Variants in USP4 observed in about 807,000 individuals in gnomAD.
The protein encoded by USP4 is ubiquitin specific peptidase 4, also known as ubiquitin carboxyl-terminal hydrolase 4.
In USP4, 72 loss-of-function variants were observed where a neutral mutation model predicts 118.2. That is an observed-to-expected ratio of 0.61 (90% CI 0.50 to 0.74). The LOEUF (loss-of-function observed/expected upper bound fraction) is 0.74, where lower values mean the gene tolerates loss of function less well. USP4 is among the 30% of genes least tolerant of loss of function. The pLI, the probability that USP4 is intolerant of heterozygous loss-of-function variation, is 0.00. For synonymous variants in USP4, 415 were observed against 440.4 expected (o/e 0.94, Z 0.72); for missense variants, 1,037 against 1,185.7 (o/e 0.87, Z 1.84).
intron 1 of USP4, among the ~76,000 whole-genome samples, chr3:49,337,044 A>C (rs1336843084): frequency 6.6e-6 from 1 of 151,968 alleles, no homozygotes; most frequent in Non-Finnish European, 1.5e-5. Flanking sequence ...CAGCACTTTG[A>C]GAGGCCGAGG....
chr3:49,315,972 G>A (rs2047430488), intron 6 of USP4, among the ~76,000 whole-genome samples: 1 of 152,184 alleles, frequency 6.6e-6, no homozygotes, highest in South Asian at 2.1e-4. Context: ...GGGAGGCTGA[G>A]GTGGGCGGAT....
In USP4 at chr3:49,309,052, A is replaced by G. The variant is rs868329507; in HGVS notation, c.954+1568T>C. 8.4e-4 allele frequency among the ~76,000 whole-genome samples: 127 copies of G among 151,304 alleles called. No homozygotes were observed. The Middle Eastern group carries it at 0.01, about 12-fold the overall frequency. ...CTGTCTCAAAAAAAAAAAAAAAAAA[A>G]AGGAAAGTACCATGTACTGACTCCA... is the stretch of plus-strand genomic sequence containing the variant. On this transcript the variant is annotated intron_variant, in intron 8 of 21. Transcript: ENST00000265560.
intron 8 of USP4, among the ~76,000 whole-genome samples, chr3:49,307,027 G>A (rs949848920): frequency 3.4e-4 from 52 of 151,610 alleles, no homozygotes; most frequent in African/African-American, 1.2e-3. Flanking sequence ...CAGGTGATCC[G>A]CCTGCCTCAG....
chr3:49,295,713 C>T (rs749257369), intron 13 of USP4, among the ~76,000 whole-genome samples: 10 of 147,732 alleles, frequency 6.8e-5, no homozygotes, highest in East Asian at 3.9e-4. Context: ...CGCGCGCGCG[C>T]GCACACACAC....
chr3:49,292,098 C>T lies in USP4; in HGVS notation c.1972+412G>A, dbSNP rs150412151. Among the ~76,000 whole-genome samples the T allele has an allele frequency of 6.8e-3, 1,027 of 152,080 alleles. 5 individuals are homozygous for T. Among genetic ancestry groups the T allele is most frequent in the Non-Finnish European group, 0.011 (771 of 67,986 alleles). ...CTGGGATTACAGGCGTGAGCCACCA[C>T]GCCCGGCCAACCCCTGGTCTTCACA... is the stretch of plus-strand genomic sequence containing the variant. On this transcript the variant is annotated intron_variant, in intron 15 of 21. Coordinates refer to ENST00000265560, the MANE Select transcript of USP4 (RefSeq NM_003363.4).
chr3:49,295,701 T>TGTGC lies in USP4; in HGVS notation c.1692-1104_1692-1103insGCAC, dbSNP rs781287530. ...TTTTGAAACTAAACATATGCACGTG[T>TGTGC]GCGCGCGCGCGCGCACACACACACA... On this transcript the variant is annotated intron_variant, in intron 13 of 21. Transcript: ENST00000265560. 5.4e-3 allele frequency among the ~76,000 whole-genome samples: 791 copies of TGTGC among 146,134 alleles called. 8 individuals carry two copies. Among genetic ancestry groups the TGTGC allele is most frequent in the African/African-American group, 0.02 (743 of 37,678 alleles).
intron 13 of USP4, among the ~76,000 whole-genome samples, chr3:49,295,622 G>A (rs879425911): frequency 4.3e-4 from 65 of 151,420 alleles, no homozygotes; most frequent in Admixed American, 1.3e-3. Flanking sequence ...GCTGGCAACC[G>A]ACTGTAGTCT....
At chr3:49,309,847 G>A (rs2107786908) in intron 8 of USP4, among the ~76,000 whole-genome samples, 1 of 148,682 alleles carries the variant, frequency 6.7e-6, no homozygotes, top group Middle Eastern at 3.7e-3. Flanking sequence ...GGCTGGTCTC[G>A]AACTCCTGAC....
chr3:49,305,065 TTTG>T (rs371573239), intron 9 of USP4, among the ~76,000 whole-genome samples: 10 of 140,628 alleles, frequency 7.1e-5, no homozygotes, highest in Middle Eastern at 4.3e-3. Flanking sequence ...CCTGGACTTT[TTTG>T]TTGTTGTTGT....
chr3:49,317,527 G>A (rs1225926962), intron 6 of USP4: 3 of 598,386 alleles, frequency 5.0e-6, no homozygotes, highest in Admixed American at 3.3e-5. Flanking sequence ...GTTTTGTTTT[G>A]TTTTTTGTTT....
chr3:49,316,824 T>G, intron 6 of USP4: 1 of 532,890 alleles, frequency 1.9e-6, no homozygotes. Context: ...AGCCCAGGAG[T>G]GTGGGTGCCG....
In USP4 at chr3:49,284,831, G is replaced by A. The variant is rs757448092; in HGVS notation, c.2271+18C>T. 52 of 1,612,296 alleles carry A rather than the reference G, an allele frequency of 3.2e-5. No homozygotes were observed. The Admixed American group carries it at 4.8e-4, about 15-fold the overall frequency. On this transcript the variant is annotated intron_variant, in intron 17 of 21. Transcript: ENST00000265560. ...GAAACCAGCAGACACCACCGACCAC[G>A]AACCCCGAGGGACCTACCTCAGATT...
intron 5 of USP4, 22 bp downstream of exon 5, chr3:49,324,872 G>C: frequency 6.2e-7 from 1 of 1,614,054 alleles, no homozygotes; most frequent in Non-Finnish European, 8.5e-7. Flanking sequence ...TACCTGCTGG[G>C]GAATGGCCAG....
chr3:49,294,582 T>A lies in USP4; in HGVS notation c.1708A>T (p.Thr570Ser). 1 of 1,613,988 alleles carries A rather than the reference T, an allele frequency of 6.2e-7. No individual in the cohort carries two copies. Among genetic ancestry groups the A allele is most frequent in the Non-Finnish European group, 8.5e-7 (1 of 1,179,924 alleles). Residue 570 changes from threonine to serine, a missense_variant, in exon 14 of 22, where the codon ACT (threonine) becomes TCT (serine). This residue lies in a region of USP4 where 522 missense variants were observed against 592.6 expected (regional missense o/e 0.88). Transcript: ENST00000265560. ...DDIFVYEVCS[T>S]SVDGSECVTL... is the part of the protein sequence containing the mutation. ...ACACATTCCGAGCCATCCACGGAAG[T>A]GCTGCAGACCTCGTACCTGCGTCAA...
At chr3:49,316,924 G>C (rs867831572) in intron 6 of USP4, 15 of 615,604 alleles carry the variant, frequency 2.4e-5, no homozygotes, top group East Asian at 1.1e-4. Flanking sequence ...GCTGTGCCCC[G>C]GGCTTGTCAC....
intron 16 of USP4, among the ~76,000 whole-genome samples, chr3:49,285,713 T>C (rs1428832722): frequency 6.6e-6 from 1 of 152,204 alleles, no homozygotes; most frequent in Non-Finnish European, 1.5e-5. Context: ...ACAAAATCCA[T>C]GACCATCCTC....
rs776529165 is a variant in USP4, at chr3:49,294,534, C to T, written c.1756G>A (p.Glu586Lys). The T allele has an allele frequency of 1.9e-6, 3 of 1,614,068 alleles. No individual in the cohort carries two copies. The highest frequency in any genetic ancestry group is 1.7e-5 in the Admixed American group (1 of 59,990). ...GTGCTTGATGGCCTGGACTTCCTCT[C>T]CCTGAAGTAGACTGGAAGCGTGACA... ...ECVTLPVYFR[E>K]RKSRPSSTSS... The change falls in exon 14 of 22, where the codon GAG (glutamate) becomes AAG (lysine). Residue 586 changes from glutamate (E) to lysine (K), a missense_variant. Coordinates refer to ENST00000265560, the MANE Select transcript of USP4 (RefSeq NM_003363.4).
chr3:49,327,511 G>C (rs1457668143), intron 3 of USP4, among the ~76,000 whole-genome samples, 175 bp downstream of exon 3: 1 of 152,110 alleles, frequency 6.6e-6, no homozygotes, highest in Non-Finnish European at 1.5e-5. Context: ...ACTCCAGCCT[G>C]GGCGACAAGT....
chr3:49,310,008 G>A (rs2047367752), intron 8 of USP4, among the ~76,000 whole-genome samples: 1 of 121,406 alleles, frequency 8.2e-6, no homozygotes, highest in Admixed American at 1.1e-4. Flanking sequence ...GAGTGCAGTG[G>A]CGTAATCTCA....
Sources: gnomAD v4.1 joint callset for allele counts (sites outside exome capture counted in the v4.1 genomes callset) on GRCh38, gnomAD v4.1.1 for gene constraint, gnomAD v4.1.1 regional missense constraint, MANE v1.5 for transcripts, NCBI Gene and HGNC (gene_info 2026-07-23, HGNC 2026-07-21) for gene names.